Variants in GPHN observed in about 807,000 individuals in gnomAD.
GPHN encodes gephyrin.
Under a neutral mutation model 95.5 loss-of-function variants are expected in GPHN, and 17 were observed. The ratio of observed to expected loss-of-function variants is 0.18; its 90% CI spans 0.12 to 0.27. The LOEUF is 0.27. GPHN is among the 10% of genes least tolerant of loss of function. The pLI is 1.00. For missense variants in GPHN, 660 were observed against 978.1 expected (o/e 0.67, Z 4.34); for synonymous variants, 320 against 322.5 (o/e 0.99, Z 0.08).
At chr14:67,690,223 C>A in the GPHN span, 1 of 1,613,084 alleles carries the variant, frequency 6.2e-7, no homozygotes, top group South Asian at 1.1e-5. Context: ...TTTTAGTCTC[C>A]GGGCCAGTTC....
chr14:67,731,823 T>C, the GPHN span, among the ~76,000 whole-genome samples: 1 of 151,886 alleles, frequency 6.6e-6, no homozygotes, highest in Non-Finnish European at 1.5e-5. Context: ...ATTCTAGGTG[T>C]TTTTTTATTA....
At chr14:67,130,278 T>G (rs1179864742) in intron 17 of GPHN, among the ~76,000 whole-genome samples, 1 of 152,092 alleles carries the variant, frequency 6.6e-6, no homozygotes, top group Non-Finnish European at 1.5e-5. Context: ...CCTCCTTCCC[T>G]CCTCTAGTAG....
chr14:67,537,617 G>A, the GPHN span, among the ~76,000 whole-genome samples: 445 of 151,852 alleles, frequency 2.9e-3, 1 homozygote, highest in Middle Eastern at 6.8e-3. Flanking sequence ...AGTGAACCAT[G>A]ATTGTGCCAC....
intron 1 of GPHN, among the ~76,000 whole-genome samples, chr14:66,547,844 G>T (rs2059658096): frequency 6.6e-6 from 1 of 152,150 alleles, no homozygotes; most frequent in Non-Finnish European, 1.5e-5. Flanking sequence ...CTTTCACAGG[G>T]TGATGGTTAT....
intron 2 of GPHN, among the ~76,000 whole-genome samples, chr14:66,729,464 T>TAA (rs1168054229): frequency 8.5e-5 from 13 of 152,192 alleles, no homozygotes; most frequent in African/African-American, 2.9e-4. Context: ...ATAAGTCATA[T>TAA]AATTCAAAGA....
chr14:67,547,464 G>A, the GPHN span, among the ~76,000 whole-genome samples: 1 of 152,214 alleles, frequency 6.6e-6, no homozygotes, highest in Admixed American at 6.5e-5. Context: ...GGGTTTCTTA[G>A]GAGAGCTCCT....
chr14:67,102,663 A>G (rs1358597168), intron 13 of GPHN, among the ~76,000 whole-genome samples: 1 of 152,156 alleles, frequency 6.6e-6, no homozygotes, highest in Non-Finnish European at 1.5e-5. Context: ...TCCGTCTCAA[A>G]AAAATAAAAA....
intron 4 of GPHN, among the ~76,000 whole-genome samples, chr14:66,861,017 C>G (rs1239805221): frequency 1.3e-5 from 2 of 151,916 alleles, no homozygotes; most frequent in African/African-American, 2.4e-5. Context: ...AACAAAATGG[C>G]AGGTGTAAGC....
chr14:67,199,313 C>T, the GPHN span: 126 of 1,608,892 alleles, frequency 7.8e-5, no homozygotes, highest in Admixed American at 9.5e-4. Context: ...GAAGCCAATA[C>T]GGGTGAACAA....
chr14:67,258,957 C>G, the GPHN span, among the ~76,000 whole-genome samples: 2 of 151,670 alleles, frequency 1.3e-5, no homozygotes, highest in Non-Finnish European at 2.9e-5. Flanking sequence ...ATTTTCCTGC[C>G]TCACCCTCCC....
chr14:66,861,312 A>G (rs532758508), intron 4 of GPHN, among the ~76,000 whole-genome samples: 34 of 151,936 alleles, frequency 2.2e-4, no homozygotes, highest in African/African-American at 7.2e-5. Context: ...TGAATTCAGC[A>G]ATGAACCCAA....
rs904660306 is a variant in GPHN, at chr14:66,773,899, C to T, written c.144-2565C>T. On this transcript the variant is annotated intron_variant, in intron 2 of 22. Coordinates refer to ENST00000478722, the MANE Select transcript of GPHN (RefSeq NM_020806.5). ...GAAGTCAGTTCTAAATATTGTCAAACATAGAGTATTTTACTATCATTGGGC... is the reference window on the plus strand; with the variant it reads ...GAAGTCAGTTCTAAATATTGTCAAATATAGAGTATTTTACTATCATTGGGC... Among the ~76,000 whole-genome samples the T allele has an allele frequency of 2.0e-5, 3 of 148,878 alleles. No homozygotes were observed. In the Admixed American group the frequency reaches 2.0e-4, roughly 10 times the overall value.
chr14:67,614,760 A>G, the GPHN span, among the ~76,000 whole-genome samples: 2 of 152,080 alleles, frequency 1.3e-5, no homozygotes, highest in African/African-American at 4.8e-5. Context: ...TACATAAATT[A>G]TATTAAAACC....
intron 8 of GPHN, among the ~76,000 whole-genome samples, chr14:66,942,278 C>T (rs2067470868): frequency 6.6e-6 from 1 of 152,228 alleles, no homozygotes; most frequent in Non-Finnish European, 1.5e-5. Flanking sequence ...TCCCAAAGTG[C>T]TGGGATTACA....
chr14:67,723,679 G>A, the GPHN span, among the ~76,000 whole-genome samples: 2 of 152,216 alleles, frequency 1.3e-5, no homozygotes, highest in Non-Finnish European at 1.5e-5. Context: ...TTTCTCTACT[G>A]TAATGTGGAA....
chr14:67,549,992 A>C, the GPHN span, among the ~76,000 whole-genome samples: 17 of 152,140 alleles, frequency 1.1e-4, no homozygotes, highest in Non-Finnish European at 1.9e-4. Flanking sequence ...CTGTCTTTCT[A>C]GTGGATCCCT....
At chr14:66,779,698 A>G (rs2059536974) in intron 3 of GPHN, among the ~76,000 whole-genome samples, 2 of 152,142 alleles carry the variant, frequency 1.3e-5, no homozygotes, top group Admixed American at 1.3e-4. Flanking sequence ...CATAGACATG[A>G]AATAATAGGA....
intron 1 of GPHN, among the ~76,000 whole-genome samples, chr14:66,550,434 T>C (rs990483386): frequency 2.2e-4 from 33 of 152,220 alleles, no homozygotes; most frequent in African/African-American, 6.5e-4. Context: ...TTGCTTCTTA[T>C]GGATAAGTAA....
At chr14:66,886,602 T>C (rs764159935) in intron 5 of GPHN, among the ~76,000 whole-genome samples, 6 of 151,026 alleles carry the variant, frequency 4.0e-5, no homozygotes, top group Non-Finnish European at 8.9e-5. Flanking sequence ...AAAAAAATCA[T>C]TAGTGGGATT....
Sources: allele counts gnomAD v4.1 joint callset (sites outside exome capture counted in the v4.1 genomes callset), GRCh38; gene constraint gnomAD v4.1.1; transcripts MANE v1.5; gene names NCBI Gene and HGNC (gene_info 2026-07-23, HGNC 2026-07-21).